Variants in NRXN1 observed in about 807,000 individuals in gnomAD.
The protein encoded by NRXN1 is neurexin-1.
NRXN1 carries 39 observed loss-of-function variants against 150.9 expected under a neutral mutation model. That is an observed-to-expected ratio of 0.26 (90% CI 0.20 to 0.34). The LOEUF (loss-of-function observed/expected upper bound fraction) is 0.34, where lower values mean the gene tolerates loss of function less well. Ranked by LOEUF, NRXN1 falls within the 10% of genes least tolerant of loss-of-function variation. The probability of loss-of-function intolerance (pLI) is 1.00; values close to 1 mark genes in which losing one functional copy is unlikely to be tolerated. For missense variants in NRXN1, 1,815 were observed against 1,949.9 expected (o/e 0.93, Z 1.30); for synonymous variants, 924 against 757.0 (o/e 1.22, Z -3.62).
intron 17 of NRXN1, among the ~76,000 whole-genome samples, chr2:50,356,749 T>C (rs2078846661): frequency 6.6e-6 from 1 of 152,216 alleles, no homozygotes; most frequent in Admixed American, 6.5e-5. Context: ...CTAATGAAGC[T>C]TTCATTAGAC....
chr2:50,392,574 A>T (rs374814264), intron 17 of NRXN1, among the ~76,000 whole-genome samples: 21 of 152,254 alleles, frequency 1.4e-4, no homozygotes, highest in African/African-American at 5.1e-4. Context: ...TTTGAGCTAA[A>T]CTCTCAGACC....
intron 17 of NRXN1, among the ~76,000 whole-genome samples, chr2:50,451,162 C>A (rs1204682878): frequency 6.6e-6 from 1 of 152,076 alleles, no homozygotes; most frequent in Non-Finnish European, 1.5e-5. Context: ...AGAGACAGGG[C>A]TTTGCCATGT....
At chr2:49,948,962 G>T (rs1246160877) in intron 21 of NRXN1, among the ~76,000 whole-genome samples, 2 of 151,940 alleles carry the variant, frequency 1.3e-5, no homozygotes, top group Non-Finnish European at 2.9e-5. Flanking sequence ...ATTCAGACTG[G>T]TCTGTACATG....
chr2:50,448,880 A>T (rs1473685009), intron 17 of NRXN1, among the ~76,000 whole-genome samples: 2 of 152,174 alleles, frequency 1.3e-5, no homozygotes, highest in Non-Finnish European at 2.9e-5. Flanking sequence ...AAAATAAAAT[A>T]AAATAAATAA....
chr2:50,170,317 A>C (rs1055715165), intron 18 of NRXN1, among the ~76,000 whole-genome samples: 2 of 151,870 alleles, frequency 1.3e-5, no homozygotes, highest in African/African-American at 4.8e-5. Context: ...GTTTTTTTTG[A>C]GACAGTCTCA....
intron 5 of NRXN1, among the ~76,000 whole-genome samples, chr2:50,869,163 CTTT>C (rs1677394309): frequency 6.6e-6 from 1 of 151,542 alleles, no homozygotes; most frequent in African/African-American, 2.4e-5. Context: ...GGAAATAATT[CTTT>C]AAGTTCAATA....
Position 50,871,386 on chromosome 2 carries a change from C to T in NRXN1, c.832+50483G>A, listed in dbSNP as rs1232667079. On this transcript the variant is annotated intron_variant, in intron 5 of 22. Coordinates refer to ENST00000401669, the MANE Select transcript of NRXN1 (RefSeq NM_001330078.2). ...ATATGATTTATCATTTTTAATATGG[C>T]TTTCTTTCAATTTATTCAGATAAGC... Among the ~76,000 whole-genome samples, 3 of 151,946 alleles carry T rather than the reference C, an allele frequency of 2.0e-5. No homozygotes were observed. In the East Asian group the frequency reaches 5.8e-4, roughly 30 times the overall value.
intron 15 of NRXN1, among the ~76,000 whole-genome samples, chr2:50,486,464 C>T (rs1000197296): frequency 2.0e-5 from 3 of 152,078 alleles, no homozygotes; most frequent in African/African-American, 7.2e-5. Context: ...AAACTGAGTT[C>T]ATTGGGTTTC....
chr2:50,298,773 T>C (rs919510129), intron 17 of NRXN1, among the ~76,000 whole-genome samples: 7 of 152,212 alleles, frequency 4.6e-5, no homozygotes, highest in Non-Finnish European at 5.9e-5. Flanking sequence ...GTTTGTGAAA[T>C]GCATGTAGCT....
intron 18 of NRXN1, among the ~76,000 whole-genome samples, chr2:50,176,949 A>G (rs566063186): frequency 1.3e-5 from 2 of 152,288 alleles, no homozygotes; most frequent in South Asian, 4.1e-4. Context: ...GAAAGGGAAG[A>G]GTAAACCGAG....
chr2:50,558,635 T>A (rs1214306280), intron 8 of NRXN1, among the ~76,000 whole-genome samples: 1 of 152,236 alleles, frequency 6.6e-6, no homozygotes, highest in East Asian at 1.9e-4. Flanking sequence ...AACAGGTATG[T>A]CATTTAGAAT....
chr2:49,994,090 T>C (rs73930970), intron 21 of NRXN1, among the ~76,000 whole-genome samples: 235 of 152,232 alleles, frequency 1.5e-3, no homozygotes, highest in African/African-American at 5.6e-3. Flanking sequence ...GGATCCTCTG[T>C]TTCCCTTCAC....
intron 5 of NRXN1, among the ~76,000 whole-genome samples, chr2:50,812,121 A>AT (rs1264563908): frequency 6.6e-6 from 1 of 152,122 alleles, no homozygotes; most frequent in African/African-American, 2.4e-5. Context: ...TTGGTTAGAT[A>AT]TTTTTATTTA....
At position 50,437,828 on chromosome 2, in the gene NRXN1, C is replaced by T. The variant is rs191480045; in HGVS notation, c.3364+27614G>A. Among the ~76,000 whole-genome samples the T allele has an allele frequency of 1.1e-3, 165 of 152,238 alleles. 1 individual carries two copies. The highest frequency in any genetic ancestry group is 2.5e-3 in the Admixed American group (38 of 15,288). On this transcript the variant is annotated intron_variant, in intron 17 of 22. Transcript: ENST00000401669. ...CCATGGATAATGTCTGGGTGAAATG[C>T]TTTGCATCCTCTGAGCCAGAAACTG...
At chr2:50,595,262 T>C (rs1674978543) in intron 8 of NRXN1, among the ~76,000 whole-genome samples, 1 of 152,104 alleles carries the variant, frequency 6.6e-6, no homozygotes, top group Non-Finnish European at 1.5e-5. Context: ...AAACATATTC[T>C]GGGTTTTGGA....
At chr2:50,714,971 T>A (rs1308165790) in intron 5 of NRXN1, among the ~76,000 whole-genome samples, 1 of 152,156 alleles carries the variant, frequency 6.6e-6, no homozygotes, top group Non-Finnish European at 1.5e-5. Flanking sequence ...TATAATGTTA[T>A]GATGACAAAG....
intron 17 of NRXN1, among the ~76,000 whole-genome samples, chr2:50,388,233 A>T (rs1294440242): frequency 6.6e-6 from 1 of 152,212 alleles, no homozygotes; most frequent in Non-Finnish European, 1.5e-5. Flanking sequence ...CTGATTATGA[A>T]TATACCATGT....
chr2:50,874,551 T>C (rs1412267097), intron 5 of NRXN1, among the ~76,000 whole-genome samples: 1 of 151,828 alleles, frequency 6.6e-6, no homozygotes, highest in African/African-American at 2.4e-5. Flanking sequence ...TTTTGATAAA[T>C]GTGGTATGCT....
intron 17 of NRXN1, among the ~76,000 whole-genome samples, chr2:50,409,921 G>A (rs889992612): frequency 2.0e-5 from 3 of 152,042 alleles, no homozygotes; most frequent in Non-Finnish European, 4.4e-5. Context: ...TTAGTTACAG[G>A]ACAGAGTTCA....
Sources: gnomAD v4.1 joint callset for allele counts (sites outside exome capture counted in the v4.1 genomes callset) on GRCh38, gnomAD v4.1.1 for gene constraint, MANE v1.5 for transcripts, NCBI Gene and HGNC (gene_info 2026-07-23, HGNC 2026-07-21) for gene names.